Variants in DIP2C observed in about 807,000 individuals in gnomAD.
DIP2C encodes disco-interacting protein 2 homolog C.
In DIP2C, 33 loss-of-function variants were observed where a neutral mutation model predicts 192.4. That is an observed-to-expected ratio of 0.17 (90% CI 0.13 to 0.23). The LOEUF is 0.23. Among genes scored for constraint, DIP2C ranks in the 10% least tolerant of loss-of-function variants. The pLI is 1.00. For missense variants in DIP2C, 1,537 were observed against 2,110.1 expected, an observed-to-expected ratio of 0.73 and a Z score of 5.32; for synonymous variants, 979 against 864.1, an observed-to-expected ratio of 1.13 and a Z score of -2.33.
At chr10:332,390 C>T (rs906659727) in intron 29 of DIP2C, among the ~76,000 whole-genome samples, 3 of 152,148 alleles carry the variant, frequency 2.0e-5, no homozygotes, top group African/African-American at 7.2e-5. Context: ...TTTCACCTCC[C>T]TCCTCATCAC....
intron 7 of DIP2C, among the ~76,000 whole-genome samples, chr10:414,696 A>AGTGT (rs1316154023): frequency 2.7e-5 from 3 of 112,904 alleles, no homozygotes; most frequent in Non-Finnish European, 5.4e-5. Context: ...CTAATTTTAG[A>AGTGT]GTGTGTATGT....
intron 2 of DIP2C, among the ~76,000 whole-genome samples, chr10:481,961 C>T (rs1843644753): frequency 6.6e-6 from 1 of 152,214 alleles, no homozygotes; most frequent in African/African-American, 2.4e-5. Context: ...CATACTGCTG[C>T]TGGGGGTTGG....
intron 1 of DIP2C, among the ~76,000 whole-genome samples, chr10:615,981 A>T (rs1335930346): frequency 6.6e-6 from 1 of 152,162 alleles, no homozygotes; most frequent in African/African-American, 2.4e-5. Context: ...AGCTCAGACC[A>T]TAGACAAACT....
intron 1 of DIP2C, among the ~76,000 whole-genome samples, chr10:521,019 A>G (rs1588376405): frequency 6.6e-6 from 1 of 152,248 alleles, no homozygotes; most frequent in Non-Finnish European, 1.5e-5. Context: ...AAATATGACA[A>G]GTAGGTATTA....
chr10:342,857 G>A (rs931681299), intron 28 of DIP2C, among the ~76,000 whole-genome samples: 2 of 152,180 alleles, frequency 1.3e-5, no homozygotes, highest in African/African-American at 2.4e-5. Flanking sequence ...TACAGTCTGT[G>A]TGTAATGTCA....
At chr10:351,081 G>A (rs79546651) in intron 24 of DIP2C, among the ~76,000 whole-genome samples, 2,473 of 152,274 alleles carry the variant, frequency 0.016, 69 homozygotes, top group African/African-American at 0.057. Context: ...CAGCGAGCCC[G>A]AGATGGCTGT....
In DIP2C at chr10:554,407, C is replaced by G. The variant is rs574326475; in HGVS notation, c.86-67877G>C. On this transcript the variant is annotated intron_variant, in intron 1 of 36. Coordinates refer to ENST00000280886, the MANE Select transcript of DIP2C (RefSeq NM_014974.3). The stretch of plus-strand genomic sequence containing the variant: ...AACCTTTTCTACAGTGATATCTGAT[C>G]CTTATTGTTTAGATCTTGCTTGATA... 2.0e-5 allele frequency among the ~76,000 whole-genome samples: 3 copies of G among 152,168 alleles called. No individual in the cohort carries two copies. The South Asian group carries it at 6.2e-4, about 32-fold the overall frequency.
intron 3 of DIP2C, among the ~76,000 whole-genome samples, chr10:447,764 C>A (rs1485098355): frequency 8.4e-6 from 1 of 118,860 alleles, no homozygotes; most frequent in Non-Finnish European, 1.6e-5. Flanking sequence ...AGGACCCACT[C>A]ATCCCCGTCT....
chr10:577,132 A>G (rs965682092), intron 1 of DIP2C, among the ~76,000 whole-genome samples: 3 of 152,200 alleles, frequency 2.0e-5, no homozygotes, highest in Admixed American at 2.0e-4. Flanking sequence ...TATTCCATAA[A>G]TGAGTAAGTT....
intron 32 of DIP2C, among the ~76,000 whole-genome samples, chr10:301,310 C>A (rs1228047650): frequency 6.6e-6 from 1 of 152,102 alleles, no homozygotes; most frequent in African/African-American, 2.4e-5. Context: ...TGCAGAGAAA[C>A]GACTTCAGAG....
intron 4 of DIP2C, among the ~76,000 whole-genome samples, chr10:427,190 T>C (rs1311766665): frequency 6.6e-6 from 1 of 152,208 alleles, no homozygotes; most frequent in East Asian, 1.9e-4. Flanking sequence ...ATCCATTTCT[T>C]GGTCTTTCCC....
rs146938810 is a variant in DIP2C, at chr10:286,339, T to G, written c.4053A>C (p.Pro1351=). ...GGTTGGCAATTATAATCCGAACCCC[T>G]GGAAGTATCTATTTGGGAGAGGAAA... is the stretch of plus-strand genomic sequence containing the variant. ...LPLMESGKIL[P]GVRIIIANPE... is the part of the protein sequence containing the mutation. The change falls in exon 34 of 37, where the codon CCA becomes CCC. Residue 1351 remains proline (P), a synonymous_variant. Coordinates refer to ENST00000280886, the MANE Select transcript of DIP2C (RefSeq NM_014974.3). 1,391 of 1,614,148 alleles carry G rather than the reference T, an allele frequency of 8.6e-4. 3 individuals are homozygous for G. The highest frequency in any genetic ancestry group is 5.6e-3 in the Middle Eastern group (34 of 6,062).
chr10:405,945 A>G (rs1461948363), intron 9 of DIP2C, among the ~76,000 whole-genome samples: 1 of 152,190 alleles, frequency 6.6e-6, no homozygotes, highest in Non-Finnish European at 1.5e-5. Flanking sequence ...CTTCTCAGAT[A>G]ATCTTTCCTC....
rs140390887 is a variant in DIP2C, at chr10:347,231, T to C, written c.3231+1410A>G. ...GCACCCAACCCAGACACATCGTGCA[T>C]AGTTCTCCCGGAAACCCCACACGCA... On this transcript the variant is annotated intron_variant, in intron 26 of 36. Transcript: ENST00000280886. Among the ~76,000 whole-genome samples the C allele has an allele frequency of 3.2e-4, 20 of 62,546 alleles. 1 individual carries two copies. Among genetic ancestry groups the C allele is most frequent in the Admixed American group, 4.8e-4 (3 of 6,286 alleles). The allele number at this position is 62,546 out of a possible 152,430, so 41.0% of individuals were successfully genotyped here. A position where few individuals can be genotyped will look rare whatever the true frequency, so the allele number is the denominator to read the frequency against.
Position 561,213 on chromosome 10 carries a change from A to G in DIP2C, c.86-74683T>C, listed in dbSNP as rs560455777. On this transcript the variant is annotated intron_variant, in intron 1 of 36. Coordinates refer to ENST00000280886, the MANE Select transcript of DIP2C (RefSeq NM_014974.3). ...GGCCATGGTAACTCATTTGGCTCAC[A>G]ATAAATCTCTTTAAATACCTTACAG... Among the ~76,000 whole-genome samples, 7 of 152,326 alleles carry G rather than the reference A, an allele frequency of 4.6e-5. No homozygotes were observed. The South Asian group carries it at 1.5e-3, about 32-fold the overall frequency.
At chr10:528,857 G>A (rs143092943) in intron 1 of DIP2C, among the ~76,000 whole-genome samples, 11 of 152,290 alleles carry the variant, frequency 7.2e-5, no homozygotes, top group South Asian at 2.1e-4. Context: ...GCAGGAAGGC[G>A]ACTCAGCAGC....
intron 8 of DIP2C, among the ~76,000 whole-genome samples, chr10:412,318 G>T (rs1334756759): frequency 6.6e-6 from 1 of 152,170 alleles, no homozygotes; most frequent in Non-Finnish European, 1.5e-5. Context: ...CGAACAGTTC[G>T]GCTGCTCCTG....
chr10:522,876 G>A (rs1442256189), intron 1 of DIP2C, among the ~76,000 whole-genome samples: 1 of 152,164 alleles, frequency 6.6e-6, no homozygotes, highest in Non-Finnish European at 1.5e-5. Flanking sequence ...TGAGGATACA[G>A]GGACTCTGCA....
intron 4 of DIP2C, chr10:437,815 A>T (rs1271876452): frequency 1.3e-5 from 2 of 152,244 alleles, no homozygotes; most frequent in African/African-American, 4.8e-5. Context: ...CCTGGTCAGC[A>T]GCCAGTCATT....
Sources: gnomAD v4.1 joint callset for allele counts (sites outside exome capture counted in the v4.1 genomes callset) on GRCh38, gnomAD v4.1.1 for gene constraint, MANE v1.5 for transcripts, NCBI Gene and HGNC (gene_info 2026-07-23, HGNC 2026-07-21) for gene names.